KDM7A: variants seen among roughly 807,000 people sequenced by gnomAD.
KDM7A encodes the protein lysine demethylase 7A, also known as lysine-specific demethylase 7A.
KDM7A carries 28 observed loss-of-function variants against 114.8 expected under a neutral mutation model. The ratio of observed to expected loss-of-function variants is 0.24; its 90% CI spans 0.18 to 0.33. KDM7A has a LOEUF of 0.33. Ranked by LOEUF, KDM7A falls within the 10% of genes least tolerant of loss-of-function variation. The pLI is 1.00. For synonymous variants in KDM7A, 423 were observed against 397.8 expected, an observed-to-expected ratio of 1.06 and a Z score of -0.75; for missense variants, 942 against 1,142.5, an observed-to-expected ratio of 0.82 and a Z score of 2.53.
intron 9 of KDM7A, among the ~76,000 whole-genome samples, chr7:140,118,289 A>G (rs1248027323): frequency 6.6e-6 from 1 of 152,252 alleles, no homozygotes; most frequent in Non-Finnish European, 1.5e-5. Flanking sequence ...TTGAGTGCTC[A>G]AAGATAATTA....
In KDM7A at chr7:140,126,624, A is replaced by G; in HGVS notation, c.888+13T>C. 1 of 1,553,984 alleles carries G rather than the reference A, an allele frequency of 6.4e-7. No individual in the cohort carries two copies. The highest frequency in any genetic ancestry group is 8.7e-7 in the Non-Finnish European group (1 of 1,148,148). ...TTTTGTCAGTGAGAGAACAAAAAAT[A>G]CCCCAATCTTACCCAGAGGACATGG... On this transcript the variant is annotated intron_variant, in intron 6 of 19. Transcript: ENST00000397560.
intron 3 of KDM7A, among the ~76,000 whole-genome samples, chr7:140,130,834 A>C (rs1585154160): frequency 6.8e-6 from 1 of 146,612 alleles, no homozygotes; most frequent in East Asian, 2.0e-4. Context: ...ACCCGTTACA[A>C]CCAGTATTTA....
intron 3 of KDM7A, among the ~76,000 whole-genome samples, chr7:140,130,084 CA>C: frequency 6.6e-6 from 1 of 151,350 alleles, no homozygotes; most frequent in East Asian, 1.9e-4. Context: ...GCAAATATTC[CA>C]AAAGAAAAAA....
chr7:140,133,519 A>G lies in KDM7A; in HGVS notation c.398+20T>C. ...TTCTTACATTCTTACATTTTCTTTT[A>G]TCAGAGTAAGTTTCCATACCTTGGG... On this transcript the variant is annotated intron_variant, in intron 3 of 19. Transcript: ENST00000397560. 7.6e-7 allele frequency: 1 copy of G among 1,311,848 alleles called. No individual in the cohort carries two copies. The highest frequency in any genetic ancestry group is 1.1e-6 in the Non-Finnish European group (1 of 911,730). The allele number at this position is 1,311,848 out of a possible 1,614,324, so 81.3% of individuals were successfully genotyped here. A position where few individuals can be genotyped will look rare whatever the true frequency, so the allele number is the denominator to read the frequency against.
At chr7:140,157,418 C>T (rs1385783337) in intron 1 of KDM7A, among the ~76,000 whole-genome samples, 1 of 152,272 alleles carries the variant, frequency 6.6e-6, no homozygotes, top group African/African-American at 2.4e-5. Context: ...CTTGGGAGGC[C>T]GAGGTGGGAG....
chr7:140,100,660 T>TTATATATATATATATATACACACA (rs1818185318), intron 12 of KDM7A, among the ~76,000 whole-genome samples: 3 of 111,300 alleles, frequency 2.7e-5, no homozygotes, highest in African/African-American at 7.0e-5. Flanking sequence ...TTTTAAAAAG[T>TTATATATATATATATATACACACA]TATATATATA....
At position 140,088,788 on chromosome 7, in the gene KDM7A, C is replaced by T. The variant is rs1817974790; in HGVS notation, c.*2306G>A. 2 of 339,664 alleles carry T rather than the reference C, an allele frequency of 5.9e-6. No homozygotes were observed. Among genetic ancestry groups the T allele is most frequent in the South Asian group, 1.5e-4 (1 of 6,568 alleles). 21.0% of individuals were successfully genotyped at this position (339,664 alleles called of 1,614,324 possible). A position where few individuals can be genotyped will look rare whatever the true frequency, so the allele number is the denominator to read the frequency against. ...ACTTTAGAATTCCACACACGGGCTA[C>T]TCCAAATTAGTACTTCTCAGCCTAA... On this transcript the variant is annotated 3_prime_UTR_variant, in exon 20 of 20. Coordinates refer to ENST00000397560, the MANE Select transcript of KDM7A (RefSeq NM_030647.2).
intron 11 of KDM7A, among the ~76,000 whole-genome samples, chr7:140,106,300 G>C (rs1057424091): frequency 6.6e-6 from 1 of 151,990 alleles, no homozygotes; most frequent in African/African-American, 2.4e-5. Context: ...GTTCTGCTCT[G>C]ATCTTAGTTA....
Position 140,114,244 on chromosome 7 carries a change from T to G in KDM7A, c.1247-662A>C, listed in dbSNP as rs1818477900. 6.6e-5 allele frequency among the ~76,000 whole-genome samples: 10 copies of G among 152,174 alleles called. 1 individual carries two copies. Among genetic ancestry groups the G allele is most frequent in the Admixed American group, 5.9e-4 (9 of 15,296 alleles). On this transcript the variant is annotated intron_variant, in intron 9 of 19. Transcript: ENST00000397560. ...CGGAAGCTGGACTGTACTGCCGCCATCTCGGCTCACTGCAACCTCCCTGCT... is the reference window on the plus strand; with the variant it reads ...CGGAAGCTGGACTGTACTGCCGCCAGCTCGGCTCACTGCAACCTCCCTGCT...
intron 1 of KDM7A, among the ~76,000 whole-genome samples, chr7:140,141,799 C>T (rs987757557): frequency 1.3e-5 from 2 of 151,456 alleles, no homozygotes; most frequent in African/African-American, 4.8e-5. Context: ...GAGGCTGAGC[C>T]AGGAGAATCG....
intron 11 of KDM7A, among the ~76,000 whole-genome samples, chr7:140,109,562 T>C (rs960378828): frequency 3.3e-5 from 5 of 152,220 alleles, no homozygotes; most frequent in Non-Finnish European, 7.3e-5. Flanking sequence ...AAATACCTGT[T>C]TGAGTCCCTG....
chr7:140,127,927 C>T (rs1203608043), intron 4 of KDM7A, among the ~76,000 whole-genome samples: 2 of 152,020 alleles, frequency 1.3e-5, no homozygotes, highest in Non-Finnish European at 2.9e-5. Context: ...AGAAATTGTG[C>T]AACACTGTCT....
intron 9 of KDM7A, among the ~76,000 whole-genome samples, chr7:140,117,511 A>T (rs1350208691): frequency 6.6e-6 from 1 of 151,940 alleles, no homozygotes; most frequent in Non-Finnish European, 1.5e-5. Context: ...CTCCTAGCTA[A>T]CCATAAGACA....
intron 6 of KDM7A, among the ~76,000 whole-genome samples, chr7:140,125,995 C>T (rs1818695864): frequency 1.3e-5 from 2 of 152,008 alleles, no homozygotes; most frequent in African/African-American, 4.8e-5. Context: ...GCCTCAACTT[C>T]CTGGGCTCAA....
chr7:140,135,034 C>T (rs1185846975), intron 2 of KDM7A, among the ~76,000 whole-genome samples: 1 of 87,374 alleles, frequency 1.1e-5, no homozygotes, highest in Non-Finnish European at 2.1e-5. Flanking sequence ...GCGTAAGTCC[C>T]ATTAAAAAAA....
rs1283614408 is a variant in KDM7A at position 140,088,531 on chromosome 7, G to A, written c.*2563C>T. 2 of 398,332 alleles carry A rather than the reference G, an allele frequency of 5.0e-6. No homozygotes were observed. The highest frequency in any genetic ancestry group is 8.9e-6 in the Non-Finnish European group (2 of 225,850). 24.7% of individuals were successfully genotyped at this position (398,332 alleles called of 1,614,324 possible). On this transcript the variant is annotated 3_prime_UTR_variant, in exon 20 of 20. Coordinates refer to ENST00000397560, the MANE Select transcript of KDM7A (RefSeq NM_030647.2). ...CTATTACTGTTAAGCCCAGGTACTC[G>A]CAGCAGCTACCACAAAGTTCAGCCA...
At position 140,157,306 on chromosome 7, in the gene KDM7A, C is replaced by T. The variant is rs571907621; in HGVS notation, c.195-18116G>A. ...CACTGAGGGTAGCCTCAGCTTTACG[C>T]TGAACTATGGTAGGCTCAGCTACCA... is the stretch of plus-strand genomic sequence containing the variant. On this transcript the variant is annotated intron_variant, in intron 1 of 19. Coordinates refer to ENST00000397560, the MANE Select transcript of KDM7A (RefSeq NM_030647.2). Among the ~76,000 whole-genome samples the T allele has an allele frequency of 2.0e-5, 3 of 152,336 alleles. No individual in the cohort carries two copies. The East Asian group carries it at 5.8e-4, about 29-fold the overall frequency.
At position 140,087,497 on chromosome 7, in the gene KDM7A, T is replaced by C. The variant is rs1342978326; in HGVS notation, c.*3597A>G. ...ATAAACATCATGAATAGTATTAGTT[T>C]TCATTTAAAAATATATATAAAGGTG... On this transcript the variant is annotated 3_prime_UTR_variant, in exon 20 of 20. Coordinates refer to ENST00000397560, the MANE Select transcript of KDM7A (RefSeq NM_030647.2). 1.3e-5 allele frequency: 2 copies of C among 152,254 alleles called. No individual in the cohort carries two copies. Among genetic ancestry groups the C allele is most frequent in the African/African-American group, 4.8e-5 (2 of 41,460 alleles). The allele number at this position is 152,254 out of a possible 1,614,324, so 9.4% of individuals were successfully genotyped here.
chr7:140,102,411 T>A (rs1156508829), intron 11 of KDM7A, among the ~76,000 whole-genome samples: 2 of 151,844 alleles, frequency 1.3e-5, no homozygotes, highest in Non-Finnish European at 2.9e-5. Context: ...CTCGCTCTTG[T>A]CACCCAGGCT....
Sources: gnomAD v4.1 joint callset for allele counts (sites outside exome capture counted in the v4.1 genomes callset) on GRCh38, gnomAD v4.1.1 for gene constraint, MANE v1.5 for transcripts, NCBI Gene and HGNC (gene_info 2026-07-23, HGNC 2026-07-21) for gene names.